The following STAC variants were observed in gnomAD, a reference collection of about 807,000 sequenced individuals.
STAC encodes the protein SH3 and cysteine-rich domain-containing protein.
In STAC, 43 loss-of-function variants were observed where a neutral mutation model predicts 48.8. The ratio of observed to expected loss-of-function variants is 0.88; its 90% CI spans 0.69 to 1.14. The LOEUF is 1.14. Among genes scored for constraint, STAC ranks in the 50% most tolerant of loss-of-function variants. STAC has a pLI of 0.00. For synonymous variants in STAC, 193 were observed against 179.5 expected (o/e 1.07, Z -0.60); for missense variants, 497 against 504.0 (o/e 0.99, Z 0.13).
At chr3:36,385,809 A>C (rs1397793619) in intron 1 of STAC, among the ~76,000 whole-genome samples, 2 of 152,110 alleles carry the variant, frequency 1.3e-5, no homozygotes, top group African/African-American at 4.8e-5. Flanking sequence ...TATCTGTGCC[A>C]TTGTAGGTAG....
intron 2 of STAC, among the ~76,000 whole-genome samples, chr3:36,476,193 C>T (rs1425730513): frequency 6.6e-6 from 1 of 152,210 alleles, no homozygotes; most frequent in Non-Finnish European, 1.5e-5. Context: ...GTACCAAGCA[C>T]TTCACTGACC....
intron 3 of STAC, among the ~76,000 whole-genome samples, chr3:36,483,391 G>C (rs1559508759): frequency 6.6e-6 from 1 of 152,188 alleles, no homozygotes; most frequent in Non-Finnish European, 1.5e-5. Flanking sequence ...GGTCTGTTCA[G>C]GTTTTAAAAG....
intron 10 of STAC, among the ~76,000 whole-genome samples, chr3:36,542,103 G>A (rs886797401): frequency 6.6e-6 from 1 of 152,016 alleles, no homozygotes; most frequent in Non-Finnish European, 1.5e-5. Flanking sequence ...AGAGGAAAGG[G>A]AAGGGAAGAG....
At chr3:36,473,900 A>T (rs1048296418) in intron 2 of STAC, among the ~76,000 whole-genome samples, 18 of 152,360 alleles carry the variant, frequency 1.2e-4, no homozygotes, top group Admixed American at 9.8e-4. Flanking sequence ...ATCATTTTAA[A>T]AAACAAAAAT....
rs3749279 is a variant in STAC at position 36,443,331 on chromosome 3, C to A, written c.112-33C>A. The A allele has an allele frequency of 2.5e-6, 4 of 1,611,820 alleles. No homozygotes were observed. In the South Asian group the frequency reaches 3.3e-5, roughly 13 times the overall value. On this transcript the variant is annotated intron_variant, in intron 1 of 10. Coordinates refer to ENST00000273183, the MANE Select transcript of STAC (RefSeq NM_003149.3). This position sits in a 1 kb window ranked among gnomAD's most constrained non-coding sequence, Gnocchi z 4.2. ...GCCTAGGTCTGCTTGATCCATTGATCGTAAGAGAGACTGTTCTGTCATTGC... is the reference window on the plus strand; with the variant it reads ...GCCTAGGTCTGCTTGATCCATTGATAGTAAGAGAGACTGTTCTGTCATTGC...
intron 5 of STAC, among the ~76,000 whole-genome samples, chr3:36,490,797 T>C (rs1375177217): frequency 6.6e-6 from 1 of 152,246 alleles, no homozygotes; most frequent in Non-Finnish European, 1.5e-5. Flanking sequence ...TGTCCCAGTT[T>C]GCTTTCATCT....
intron 10 of STAC, among the ~76,000 whole-genome samples, chr3:36,543,534 C>T (rs765369979): frequency 5.9e-5 from 9 of 152,178 alleles, no homozygotes; most frequent in African/African-American, 1.2e-4. Flanking sequence ...TTCAGAGACA[C>T]TTCCGAACAA....
At chr3:36,463,045 T>A (rs1697063030) in intron 2 of STAC, among the ~76,000 whole-genome samples, 1 of 152,214 alleles carries the variant, frequency 6.6e-6, no homozygotes, top group Non-Finnish European at 1.5e-5. Context: ...CTTCTTTCTG[T>A]ACAAGGTGGA....
At chr3:36,461,569 T>C (rs555465953) in intron 2 of STAC, among the ~76,000 whole-genome samples, 63 of 152,184 alleles carry the variant, frequency 4.1e-4, no homozygotes, top group Admixed American at 8.5e-4. Flanking sequence ...TCTAAGGTGA[T>C]AAATGATATG....
chr3:36,525,586 C>A (rs11714333), intron 8 of STAC, among the ~76,000 whole-genome samples: 15,840 of 152,240 alleles, frequency 0.1, 1,065 homozygotes, highest in Non-Finnish European at 0.15. Flanking sequence ...CAGCTTTATT[C>A]CCTATTTACA....
chr3:36,397,810 G>A (rs939445228), intron 1 of STAC, among the ~76,000 whole-genome samples: 1 of 151,464 alleles, frequency 6.6e-6, no homozygotes, highest in African/African-American at 2.4e-5. Flanking sequence ...AATATAAGTT[G>A]TTTCATATGT....
intron 2 of STAC, among the ~76,000 whole-genome samples, chr3:36,467,745 G>A (rs1048179461): frequency 1.4e-4 from 22 of 151,904 alleles, no homozygotes; most frequent in African/African-American, 4.6e-4. Context: ...GGCTAATCTC[G>A]CTAATGCTCT....
Position 36,486,190 on chromosome 3 carries a change from G to A in STAC, c.628G>A (p.Ala210Thr). ...YETLRFGTSLAQRTKKGSSGS... is the reference protein window; with the variant it reads ...YETLRFGTSLTQRTKKGSSGS... ...GACCCTCCGCTTCGGCACCTCCCTG[G>A]CCCAGAGGACAAAGAAGGGCAGCTC... is the stretch of plus-strand genomic sequence containing the variant. The change falls in exon 5 of 11, where the codon GCC becomes ACC. Residue 210 changes from alanine (A) to threonine (T), a missense_variant. By Grantham distance (58) the Ala-to-Thr change is moderately conservative (BLOSUM62 0). Coordinates refer to ENST00000273183, the MANE Select transcript of STAC (RefSeq NM_003149.3). The A allele has an allele frequency of 6.2e-7, 1 of 1,613,924 alleles. No individual in the cohort carries two copies.
At chr3:36,454,084 T>C (rs959729019) in intron 2 of STAC, among the ~76,000 whole-genome samples, 8 of 152,112 alleles carry the variant, frequency 5.3e-5, no homozygotes, top group Admixed American at 3.9e-4. Flanking sequence ...ATCAGCAGGA[T>C]GTGGGTGGGG....
intron 1 of STAC, among the ~76,000 whole-genome samples, 157 bp downstream of exon 1, chr3:36,380,911 T>G (rs62245718): frequency 0.088 from 9,542 of 107,874 alleles, 315 homozygotes; most frequent in South Asian, 0.12. Flanking sequence ...GACCCGCTGC[T>G]CACGATGCTG....
At chr3:36,408,635 A>G (rs1263026360) in intron 1 of STAC, among the ~76,000 whole-genome samples, 1 of 152,210 alleles carries the variant, frequency 6.6e-6, no homozygotes, top group Non-Finnish European at 1.5e-5. Flanking sequence ...TAGAACACAT[A>G]CAAGAGAAAA....
chr3:36,492,062 A>ATATATATATATATATATG (rs1698000777), intron 5 of STAC, among the ~76,000 whole-genome samples: 1 of 99,072 alleles, frequency 1.0e-5, no homozygotes, highest in African/African-American at 3.7e-5. Context: ...ATATATATAT[A>ATATATATATATATATATG]TATATGTGAC....
At chr3:36,486,924 C>T (rs912481004) in intron 5 of STAC, among the ~76,000 whole-genome samples, 3 of 152,236 alleles carry the variant, frequency 2.0e-5, no homozygotes, top group African/African-American at 7.2e-5. Flanking sequence ...AGCCACCATT[C>T]CTCCAGCAAA....
At chr3:36,492,031 A>AAAAAAAAAAT (rs1553639882) in intron 5 of STAC, among the ~76,000 whole-genome samples, 2 of 16,438 alleles carry the variant, frequency 1.2e-4, no homozygotes, top group Non-Finnish European at 2.4e-4. Flanking sequence ...AAAAAAAAAA[A>AAAAAAAAAAT]ATATATATAT....
Sources: gnomAD v4.1 joint callset for allele counts (sites outside exome capture counted in the v4.1 genomes callset) on GRCh38, gnomAD v4.1.1 for gene constraint, Gnocchi (gnomAD v3.1) non-coding constraint, MANE v1.5 for transcripts, NCBI Gene and HGNC (gene_info 2026-07-23, HGNC 2026-07-21) for gene names.